The following FAT3 variants were observed in gnomAD, a reference collection of about 807,000 sequenced individuals.
The protein encoded by FAT3 is protocadherin Fat 3.
In FAT3, 95 loss-of-function variants were observed where a neutral mutation model predicts 310.2. The observed-to-expected ratio is 0.31, with a 90% CI of 0.26 to 0.36. The LOEUF (loss-of-function observed/expected upper bound fraction) is 0.36. Among genes scored for constraint, FAT3 ranks in the 10% least tolerant of loss-of-function variants. FAT3 has a pLI of 1.00. For missense variants in FAT3, 5,408 were observed against 5,715.6 expected, an observed-to-expected ratio of 0.95 and a Z score of 1.74; for synonymous variants, 2,314 against 2,192.9, an observed-to-expected ratio of 1.06 and a Z score of -1.54.
intron 1 of FAT3, among the ~76,000 whole-genome samples, chr11:92,272,450 G>A (rs1419975386): frequency 6.6e-6 from 1 of 152,104 alleles, no homozygotes; most frequent in African/African-American, 2.4e-5. Context: ...TTAGAGGACA[G>A]GATGGTCAGG....
chr11:92,763,920 C>T (rs1946231237), intron 5 of FAT3, among the ~76,000 whole-genome samples: 1 of 152,166 alleles, frequency 6.6e-6, no homozygotes. Flanking sequence ...CATCCATGAA[C>T]ACATAGCATG....
intron 2 of FAT3, among the ~76,000 whole-genome samples, chr11:92,392,613 A>T (rs571713302): frequency 6.6e-6 from 1 of 152,294 alleles, no homozygotes; most frequent in East Asian, 1.9e-4. Context: ...AGCACATTGC[A>T]CACTGCACTA....
intron 4 of FAT3, among the ~76,000 whole-genome samples, chr11:92,701,641 C>A (rs1008262680): frequency 1.3e-5 from 2 of 152,176 alleles, no homozygotes; most frequent in African/African-American, 2.4e-5. Context: ...AAGTCGTATA[C>A]CTTCCTTGAT....
intron 3 of FAT3, among the ~76,000 whole-genome samples, chr11:92,680,377 A>G (rs1250450868): frequency 6.6e-6 from 1 of 152,182 alleles, no homozygotes; most frequent in African/African-American, 2.4e-5. Flanking sequence ...TCCTTTCTCA[A>G]TGTATGTTCT....
chr11:92,279,462 A>G (rs1946365638), intron 1 of FAT3, among the ~76,000 whole-genome samples: 2 of 152,146 alleles, frequency 1.3e-5, no homozygotes, highest in Non-Finnish European at 2.9e-5. Flanking sequence ...TCATTCATTT[A>G]CTTTTCTAAG....
chr11:92,525,095 T>C (rs547754521), intron 3 of FAT3, 147 bp downstream of exon 3: 1 of 690,188 alleles, frequency 1.4e-6, no homozygotes, highest in African/African-American at 1.8e-5. Context: ...TGAGTGCCAC[T>C]TCTGCCTATG....
intron 1 of FAT3, among the ~76,000 whole-genome samples, chr11:92,243,972 T>A (rs1202359747): frequency 6.6e-6 from 1 of 152,128 alleles, no homozygotes; most frequent in Non-Finnish European, 1.5e-5. Context: ...TTCTTATTAT[T>A]CATTATGATT....
chr11:92,460,065 G>A (rs111853449), intron 2 of FAT3, among the ~76,000 whole-genome samples: 2,472 of 152,238 alleles, frequency 0.016, 81 homozygotes, highest in African/African-American at 0.056. Flanking sequence ...AAAAGCAGCT[G>A]TTCTCTGTCT....
chr11:92,832,143 C>A, intron 14 of FAT3, 132 bp downstream of exon 14: 1 of 1,025,636 alleles, frequency 9.8e-7, no homozygotes, highest in Non-Finnish European at 1.4e-6. Context: ...CTAGCCTGGA[C>A]AACAGAGTGA....
chr11:92,617,287 C>T (rs1419545555), intron 3 of FAT3, among the ~76,000 whole-genome samples: 1 of 152,184 alleles, frequency 6.6e-6, no homozygotes, highest in Non-Finnish European at 1.5e-5. Context: ...GAAGCTCATG[C>T]ATTCATCACG....
Position 92,656,987 on chromosome 11 carries a change from G to A in FAT3, c.3608-40397G>A, listed in dbSNP as rs570078795. Among the ~76,000 whole-genome samples, 16 of 152,256 alleles carry A rather than the reference G, an allele frequency of 1.1e-4. 1 individual carries two copies. Among genetic ancestry groups the A allele is most frequent in the Middle Eastern group, 3.4e-3 (1 of 294 alleles). On this transcript the variant is annotated intron_variant, in intron 3 of 27. Transcript: ENST00000525166. The stretch of plus-strand genomic sequence containing the variant: ...GGGAGGGGGTGCAGGGGTAAGGTGG[G>A]GTGGGGAGAAACAGCTGTGGCACAA...
At chr11:92,623,147 A>G (rs1049400630) in intron 3 of FAT3, among the ~76,000 whole-genome samples, 3 of 152,178 alleles carry the variant, frequency 2.0e-5, no homozygotes, top group African/African-American at 4.8e-5. Context: ...ACTTTCTATC[A>G]TGCTGACCTG....
At position 92,352,652 on chromosome 11, in the gene FAT3, G is replaced by T; in HGVS notation, c.540G>T (p.Val180=). The T allele has an allele frequency of 6.2e-7, 1 of 1,613,814 alleles. No individual in the cohort carries two copies. The highest frequency in any genetic ancestry group is 1.1e-5 in the South Asian group (1 of 91,072). ...CTCTAAGGACTAGTGTTGCCCAGGT[G>T]ACTGCAACAGACGCAGATATTGGTT... ...STPLRTSVAQ[V]TATDADIGSN... is the part of the protein sequence containing the mutation. Residue 180 remains valine, a synonymous_variant, in exon 2 of 28, where the codon GTG becomes GTT. Transcript: ENST00000525166.
chr11:92,508,494 A>G (rs1438087158), intron 2 of FAT3, among the ~76,000 whole-genome samples: 3 of 152,162 alleles, frequency 2.0e-5, no homozygotes, highest in Non-Finnish European at 2.9e-5. Flanking sequence ...TGCCTTGGAG[A>G]AAAAGTTATC....
chr11:92,401,951 C>T (rs1233388697), intron 2 of FAT3, among the ~76,000 whole-genome samples: 2 of 152,192 alleles, frequency 1.3e-5, no homozygotes, highest in African/African-American at 2.4e-5. Flanking sequence ...ATTTACAAGG[C>T]ATGCCAAAAG....
intron 13 of FAT3, among the ~76,000 whole-genome samples, chr11:92,826,345 C>G (rs1453506120): frequency 6.6e-6 from 1 of 152,194 alleles, no homozygotes; most frequent in Non-Finnish European, 1.5e-5. Flanking sequence ...AGACTGAAAT[C>G]TAAACATACT....
Position 92,805,172 on chromosome 11 carries a change from G to T in FAT3, c.8916G>T (p.Arg2972Ser), listed in dbSNP as rs766060255. The change falls in exon 11 of 28, where the codon AGG becomes AGT. Residue 2972 changes from arginine to serine, a missense_variant. By Grantham distance (110) the Arg-to-Ser change is moderately radical. Transcript: ENST00000525166. The stretch of plus-strand genomic sequence containing the variant: ...CTGCAGGAGGAAACCCTCGAGGAAG[G>T]TTTGCTCTGGGCCTGGTGCAAAGTG... ...YHITGGNPRG[R>S]FALGLVQSEW... 13 of 1,611,620 alleles carry T rather than the reference G, an allele frequency of 8.1e-6. No individual in the cohort carries two copies. In the African/African-American group the frequency reaches 1.3e-4, roughly 17 times the overall value.
intron 2 of FAT3, among the ~76,000 whole-genome samples, chr11:92,500,452 A>G (rs948521255): frequency 5.9e-5 from 9 of 152,108 alleles, no homozygotes; most frequent in African/African-American, 1.9e-4. Flanking sequence ...AATTAGGCTG[A>G]TTGTAAAAGA....
chr11:92,775,260 G>A (rs1024217763), intron 7 of FAT3, among the ~76,000 whole-genome samples: 4 of 152,156 alleles, frequency 2.6e-5, no homozygotes, highest in Non-Finnish European at 4.4e-5. Flanking sequence ...GTAAGCATTT[G>A]CAACTATGTT....
Sources: gnomAD v4.1 joint callset for allele counts (sites outside exome capture counted in the v4.1 genomes callset) on GRCh38, gnomAD v4.1.1 for gene constraint, MANE v1.5 for transcripts, NCBI Gene and HGNC (gene_info 2026-07-23, HGNC 2026-07-21) for gene names.